Variants in VAV3 observed in about 807,000 individuals in gnomAD.
VAV3 encodes the protein vav guanine nucleotide exchange factor 3, also known as guanine nucleotide exchange factor VAV3.
VAV3 carries 94 observed loss-of-function variants against 131.2 expected under a neutral mutation model. The observed-to-expected ratio is 0.72, with a 90% CI of 0.61 to 0.85. The LOEUF is 0.85. VAV3 is among the 40% of genes least tolerant of loss of function. The pLI, the probability that VAV3 is intolerant of heterozygous loss-of-function variation, is 0.00. For missense variants in VAV3, 939 were observed against 1,002.7 expected, an observed-to-expected ratio of 0.94 and a Z score of 0.86; for synonymous variants, 349 against 342.0, an observed-to-expected ratio of 1.02 and a Z score of -0.22.
chr1:107,849,126 T>A (rs1669108499), intron 2 of VAV3, among the ~76,000 whole-genome samples: 1 of 151,914 alleles, frequency 6.6e-6, no homozygotes, highest in Admixed American at 6.6e-5. Flanking sequence ...AGAATCAATA[T>A]CGTGAAAATG....
chr1:107,760,851 T>C lies in VAV3; in HGVS notation c.950A>G (p.Lys317Arg), dbSNP rs750771007. 2 of 1,613,604 alleles carry C rather than the reference T, an allele frequency of 1.2e-6. No individual in the cohort carries two copies. The highest frequency in any genetic ancestry group is 1.7e-6 in the Non-Finnish European group (2 of 1,179,748). ...CACAAGCAAGTCTCGAAGAGTAAAT[T>C]TCCCATTATTTGCTCTTTTGGAACA... ...EECSKRANNGKFTLRDLLVVP... is the reference protein window; with the variant it reads ...EECSKRANNGRFTLRDLLVVP... The change falls in exon 10 of 27, where the codon AAA becomes AGA. Residue 317 changes from lysine (K) to arginine (R), a missense_variant. Lys to Arg is a conservative substitution (Grantham distance 26). Transcript: ENST00000370056.
intron 1 of VAV3, among the ~76,000 whole-genome samples, chr1:107,931,367 C>G (rs1222663607): frequency 6.6e-6 from 1 of 152,036 alleles, no homozygotes; most frequent in African/African-American, 2.4e-5. Flanking sequence ...ATACATGTAT[C>G]AAAATATCAC....
intron 2 of VAV3, among the ~76,000 whole-genome samples, chr1:107,805,790 G>C (rs1667031810): frequency 6.6e-6 from 1 of 152,026 alleles, no homozygotes; most frequent in African/African-American, 2.4e-5. Context: ...GGGTATGTTT[G>C]CTTATAGATT....
At chr1:107,649,689 A>G (rs1312372842) in intron 19 of VAV3, among the ~76,000 whole-genome samples, 1 of 152,134 alleles carries the variant, frequency 6.6e-6, no homozygotes, top group African/African-American at 2.4e-5. Flanking sequence ...AAAGGAGAAG[A>G]TAACAGCGTA....
intron 9 of VAV3, among the ~76,000 whole-genome samples, chr1:107,761,736 T>C (rs962653798): frequency 3.3e-5 from 5 of 152,206 alleles, no homozygotes; most frequent in African/African-American, 7.2e-5. Flanking sequence ...GTCTTTTAAT[T>C]ATTATCATAT....
rs1191837957 is a variant in VAV3, at chr1:107,772,747, T to G, written c.543A>C (p.Glu181Asp). ...GTAAAAGTCCTACGGGCTGATGTGCTTCCTCTGCCTTCATTAAGTCCTCAT... is the reference window on the plus strand; with the variant it reads ...GTAAAAGTCCTACGGGCTGATGTGCGTCCTCTGCCTTCATTAAGTCCTCAT... The part of the protein sequence containing the change: ...EVYEDLMKAE[E>D]AHQPKCPEND... Residue 181 changes from glutamate (E) to aspartate (D), a missense_variant, in exon 5 of 27, where the codon GAA becomes GAC. Coordinates refer to ENST00000370056, the MANE Select transcript of VAV3 (RefSeq NM_006113.5). 6.2e-7 allele frequency: 1 copy of G among 1,613,350 alleles called. No individual in the cohort carries two copies.
At chr1:107,813,781 C>G (rs1442417404) in intron 2 of VAV3, among the ~76,000 whole-genome samples, 1 of 152,152 alleles carries the variant, frequency 6.6e-6, no homozygotes, top group African/African-American at 2.4e-5. Context: ...TTTCCAGCAT[C>G]TGGTAACTAT....
At chr1:107,738,419 C>G (rs918367037) in intron 15 of VAV3, among the ~76,000 whole-genome samples, 2 of 152,128 alleles carry the variant, frequency 1.3e-5, no homozygotes, top group Non-Finnish European at 2.9e-5. Context: ...GAGAAGTGAA[C>G]TTGTCTATCA....
chr1:107,576,752 C>T (rs558621332), intron 25 of VAV3, among the ~76,000 whole-genome samples: 58 of 152,278 alleles, frequency 3.8e-4, no homozygotes, highest in Non-Finnish European at 7.6e-4. Flanking sequence ...ATGTGGTGCC[C>T]AATTCCCACT....
chr1:107,766,577 A>C, intron 7 of VAV3, 27 bp from the exon 8 acceptor site: 1 of 1,586,984 alleles, frequency 6.3e-7, no homozygotes, highest in Non-Finnish European at 8.6e-7. Context: ...ATGTGAAAGG[A>C]AAGTAGGAAT....
At chr1:107,948,399 C>T (rs1674372790) in intron 1 of VAV3, among the ~76,000 whole-genome samples, 1 of 152,142 alleles carries the variant, frequency 6.6e-6, no homozygotes, top group East Asian at 1.9e-4. Context: ...TGAAAACCTG[C>T]ATTTAGACTG....
chr1:107,924,779 C>T (rs965985340), intron 1 of VAV3, among the ~76,000 whole-genome samples: 3 of 152,070 alleles, frequency 2.0e-5, no homozygotes, highest in African/African-American at 7.2e-5. Flanking sequence ...CCATATGTTC[C>T]CTGAGAACCC....
chr1:107,620,495 G>A (rs919643553), intron 20 of VAV3, among the ~76,000 whole-genome samples: 7 of 152,180 alleles, frequency 4.6e-5, no homozygotes, highest in Middle Eastern at 3.4e-3. Context: ...TAGGTGTGTA[G>A]TAGGCTACAC....
chr1:107,689,207 C>T (rs555242890), intron 17 of VAV3, among the ~76,000 whole-genome samples: 85 of 152,284 alleles, frequency 5.6e-4, no homozygotes, highest in African/African-American at 1.9e-3. Flanking sequence ...CATGTTCTAA[C>T]TTCTCCAGAC....
chr1:107,662,453 A>T (rs966032106), intron 19 of VAV3, among the ~76,000 whole-genome samples: 1 of 152,196 alleles, frequency 6.6e-6, no homozygotes, highest in African/African-American at 2.4e-5. Flanking sequence ...TGTCACAGGG[A>T]TATAAGTTAT....
intron 15 of VAV3, among the ~76,000 whole-genome samples, chr1:107,723,437 T>A (rs1222138004): frequency 7.6e-6 from 1 of 131,760 alleles, no homozygotes; most frequent in Admixed American, 8.6e-5. Context: ...CTCAAGTAAG[T>A]CCTCCACAGT....
intron 2 of VAV3, among the ~76,000 whole-genome samples, chr1:107,868,885 G>A (rs1367144298): frequency 6.6e-6 from 1 of 152,128 alleles, no homozygotes; most frequent in Non-Finnish European, 1.5e-5. Flanking sequence ...GAATGTATTG[G>A]TTCATGGAAA....
intron 20 of VAV3, among the ~76,000 whole-genome samples, chr1:107,635,136 T>C (rs977942604): frequency 1.2e-4 from 19 of 152,086 alleles, no homozygotes; most frequent in African/African-American, 4.6e-4. Flanking sequence ...ACCCAAAGAA[T>C]TATAAATCAT....
At chr1:107,737,963 C>T (rs1662767262) in intron 15 of VAV3, among the ~76,000 whole-genome samples, 2 of 152,066 alleles carry the variant, frequency 1.3e-5, no homozygotes, top group Admixed American at 6.6e-5. Flanking sequence ...CCCAAATGTC[C>T]AACAATGATA....
Sources: gnomAD v4.1 joint callset for allele counts (sites outside exome capture counted in the v4.1 genomes callset) on GRCh38, gnomAD v4.1.1 for gene constraint, MANE v1.5 for transcripts, NCBI Gene and HGNC (gene_info 2026-07-23, HGNC 2026-07-21) for gene names.